Variants in KIAA0930 observed in about 807,000 individuals in gnomAD.
KIAA0930 encodes the protein uncharacterized protein KIAA0930.
In KIAA0930, 24 loss-of-function variants were observed where a neutral mutation model predicts 43.9. The ratio of observed to expected loss-of-function variants is 0.55; its 90% CI spans 0.40 to 0.77. The LOEUF is 0.77. Ranked by LOEUF, KIAA0930 falls within the 30% of genes least tolerant of loss-of-function variation. KIAA0930 has a pLI of 0.00. For missense variants in KIAA0930, 461 were observed against 574.2 expected, an observed-to-expected ratio of 0.80 and a Z score of 2.02; for synonymous variants, 259 against 216.4, an observed-to-expected ratio of 1.20 and a Z score of -1.73.
rs2083521218 is a variant in KIAA0930, at chr22:45,194,752, TGGA to T, written c.*2421_*2423del. 1 of 152,194 alleles carries T rather than the reference TGGA, an allele frequency of 6.6e-6. No individual in the cohort carries two copies. Among genetic ancestry groups the T allele is most frequent in the Non-Finnish European group, 1.5e-5 (1 of 68,046 alleles). The allele number at this position is 152,194 out of a possible 1,614,324, so 9.4% of individuals were successfully genotyped here. A position where few individuals can be genotyped will look rare whatever the true frequency, so the allele number is the denominator to read the frequency against. On this transcript the variant is annotated 3_prime_UTR_variant, in exon 10 of 10. Transcript: ENST00000336156. The stretch of plus-strand genomic sequence containing the variant: ...TAAATCCGGCATCGCAAGTACCCTT[TGGA>T]GAGGGATTTAGGGCCTGAGAAAGGC...
intron 1 of KIAA0930, chr22:45,212,318 C>T (rs1389605577): frequency 6.2e-7 from 1 of 1,612,696 alleles, no homozygotes; most frequent in African/African-American, 1.3e-5. Context: ...CCAGTTCCTC[C>T]ACTCAGCAGC....
intron 1 of KIAA0930, among the ~76,000 whole-genome samples, chr22:45,227,129 C>T (rs1452723996): frequency 1.3e-5 from 2 of 152,256 alleles, no homozygotes; most frequent in Admixed American, 6.5e-5. Context: ...GTGCCCAGCA[C>T]CCGGCCCACG....
chr22:45,197,696 G>T, intron 9 of KIAA0930, 94 bp downstream of exon 9: 1 of 1,351,434 alleles, frequency 7.4e-7, no homozygotes, highest in Non-Finnish European at 1.0e-6. Context: ...AGGACAGGGC[G>T]GGATGACTCC....
chr22:45,223,039 C>T (rs534218539), intron 1 of KIAA0930, among the ~76,000 whole-genome samples: 56 of 152,290 alleles, frequency 3.7e-4, no homozygotes, highest in Admixed American at 1.4e-3. Context: ...TTACCTCTGA[C>T]CCAGCGATCC....
intron 1 of KIAA0930, among the ~76,000 whole-genome samples, chr22:45,231,696 G>A (rs909852079): frequency 1.6e-4 from 24 of 152,122 alleles, no homozygotes; most frequent in Non-Finnish European, 8.8e-5. Context: ...CTGCAGAGAA[G>A]GTAAGAAATT....
intron 8 of KIAA0930, 119 bp from the exon 9 acceptor site, chr22:45,198,067 C>G: frequency 2.1e-6 from 2 of 939,830 alleles, no homozygotes; most frequent in Non-Finnish European, 1.6e-6. Context: ...CGCTCCTTAC[C>G]AACACCCCCA....
chr22:45,230,244 C>T (rs889483309), intron 1 of KIAA0930, among the ~76,000 whole-genome samples: 12 of 152,154 alleles, frequency 7.9e-5, no homozygotes, highest in Admixed American at 4.6e-4. Flanking sequence ...GGGCGGGCAG[C>T]GAGTCACGTC....
chr22:45,193,432 A>G lies in KIAA0930; in HGVS notation c.*3744T>C, dbSNP rs2083507838. On this transcript the variant is annotated 3_prime_UTR_variant, in exon 10 of 10. Coordinates refer to ENST00000336156, the MANE Select transcript of KIAA0930 (RefSeq NM_001009880.2). ...CCTCTGGGACATCTTTTAATGAAAAAAAAAAGTTTTACTTTGTTCTTCAAA... is the reference window on the plus strand; with the variant it reads ...CCTCTGGGACATCTTTTAATGAAAAGAAAAAGTTTTACTTTGTTCTTCAAA... 1 of 152,216 alleles carries G rather than the reference A, an allele frequency of 6.6e-6. No individual in the cohort carries two copies. Among genetic ancestry groups the G allele is most frequent in the Non-Finnish European group, 1.5e-5 (1 of 68,040 alleles). The allele number at this position is 152,216 out of a possible 1,614,324, so 9.4% of individuals were successfully genotyped here. A position where few individuals can be genotyped will look rare whatever the true frequency, so the allele number is the denominator to read the frequency against.
At chr22:45,208,312 G>A (rs1243712003) in intron 2 of KIAA0930, among the ~76,000 whole-genome samples, 1 of 151,976 alleles carries the variant, frequency 6.6e-6, no homozygotes, top group African/African-American at 2.4e-5. Context: ...AGAACAGGCA[G>A]AACCACCGAC....
chr22:45,205,181 G>C, intron 5 of KIAA0930, 36 bp downstream of exon 5: 1 of 1,524,424 alleles, frequency 6.6e-7, no homozygotes, highest in South Asian at 1.1e-5. Flanking sequence ...TCACGAGAAG[G>C]GGAAGCTAAG....
rs2083603428 is a variant in KIAA0930, at chr22:45,203,020, G to A, written c.822C>T (p.Asp274=). The change falls in exon 7 of 10, where the codon GAC becomes GAT. Residue 274 remains aspartate, a synonymous_variant. Transcript: ENST00000336156. ...CGTGCATGGGCGAAGCTGGGCTGGA[G>A]TCCTCTTCAGTCCCACAGGGGGATG... ...GDTSPCGTEE[D]SSPASPMHER... is the part of the protein sequence containing the mutation. The A allele has an allele frequency of 1.2e-6, 2 of 1,612,554 alleles. No homozygotes were observed. Among genetic ancestry groups the A allele is most frequent in the African/African-American group, 1.3e-5 (1 of 74,932 alleles).
At chr22:45,226,416 A>C (rs1480312432) in intron 1 of KIAA0930, 1 of 440,416 alleles carries the variant, frequency 2.3e-6, no homozygotes, top group Non-Finnish European at 4.8e-6. Context: ...CCCTGACCTC[A>C]AGGTGCCTTG....
intron 1 of KIAA0930, among the ~76,000 whole-genome samples, chr22:45,238,168 C>T (rs140753345): frequency 0.013 from 1,906 of 152,126 alleles, 49 homozygotes; most frequent in African/African-American, 0.043. Context: ...CCTCATGATC[C>T]GCCCGCCTCA....
At chr22:45,228,818 C>T (rs1465472583) in intron 1 of KIAA0930, among the ~76,000 whole-genome samples, 1 of 119,352 alleles carries the variant, frequency 8.4e-6, no homozygotes, top group Non-Finnish European at 1.7e-5. Context: ...CCCTCTCCAC[C>T]CCCGCCATCA....
chr22:45,233,360 C>T (rs560188571), intron 1 of KIAA0930, among the ~76,000 whole-genome samples: 2 of 152,146 alleles, frequency 1.3e-5, no homozygotes, highest in East Asian at 3.9e-4. Context: ...GGAGTGGAGG[C>T]TGAGGTTCAA....
intron 1 of KIAA0930, among the ~76,000 whole-genome samples, chr22:45,222,026 G>C (rs1284215469): frequency 6.6e-6 from 1 of 152,260 alleles, no homozygotes; most frequent in Non-Finnish European, 1.5e-5. Flanking sequence ...GAGCCACTGC[G>C]CCTGGCCAAG....
chr22:45,225,005 TGA>T (rs1286146405), intron 1 of KIAA0930, among the ~76,000 whole-genome samples: 3 of 152,112 alleles, frequency 2.0e-5, no homozygotes, highest in Non-Finnish European at 4.4e-5. Context: ...TCAAGGGCCT[TGA>T]GAGGGTCCTC....
chr22:45,229,412 C>T lies in KIAA0930; in HGVS notation c.64+11228G>A, dbSNP rs143697535. Among the ~76,000 whole-genome samples the T allele has an allele frequency of 6.4e-3, 786 of 122,390 alleles. 8 individuals carry two copies. Among genetic ancestry groups the T allele is most frequent in the African/African-American group, 0.026 (724 of 28,170 alleles). The allele number at this position is 122,390 out of a possible 152,430, so 80.3% of individuals were successfully genotyped here. On this transcript the variant is annotated intron_variant, in intron 1 of 9. Transcript: ENST00000336156. Reference sequence around the variant, plus strand: ...TCCTCCTGTCACTCCCAGGGGCCTGCGCCCAGGCATCCGTCTCTGAGCTGG... The same window carrying T: ...TCCTCCTGTCACTCCCAGGGGCCTGTGCCCAGGCATCCGTCTCTGAGCTGG...
At chr22:45,228,119 G>A (rs2083814210) in intron 1 of KIAA0930, among the ~76,000 whole-genome samples, 1 of 152,176 alleles carries the variant, frequency 6.6e-6, no homozygotes, top group African/African-American at 2.4e-5. Flanking sequence ...CAGTTCACAG[G>A]GTTGTGGGAT....
Sources: gnomAD v4.1 joint callset for allele counts (sites outside exome capture counted in the v4.1 genomes callset) on GRCh38, gnomAD v4.1.1 for gene constraint, MANE v1.5 for transcripts, NCBI Gene and HGNC (gene_info 2026-07-23, HGNC 2026-07-21) for gene names.